The following PRDM11 variants were observed in gnomAD, a reference collection of about 807,000 sequenced individuals.
PRDM11 encodes the protein PR domain-containing protein 11.
A neutral mutation model predicts 97.8 loss-of-function variants in PRDM11; 20 were observed. The ratio of observed to expected loss-of-function variants is 0.20; its 90% CI spans 0.14 to 0.30. The LOEUF (loss-of-function observed/expected upper bound fraction) is 0.30. PRDM11 is among the 10% of genes least tolerant of loss of function. The probability of loss-of-function intolerance (pLI) is 1.00; values close to 1 mark genes in which losing one functional copy is unlikely to be tolerated. For synonymous variants in PRDM11, 599 were observed against 637.7 expected (o/e 0.94, Z 0.91); for missense variants, 1,139 against 1,555.2 (o/e 0.73, Z 4.50).
chr11:45,193,842 G>C (rs1381200481), intron 4 of PRDM11, among the ~76,000 whole-genome samples: 7 of 152,288 alleles, frequency 4.6e-5, no homozygotes, highest in African/African-American at 1.7e-4. Context: ...ACATAGCTGG[G>C]CTTGCTGGGC....
chr11:45,145,551 T>G (rs1851488019), upstream of PRDM11, among the ~76,000 whole-genome samples: 1 of 152,208 alleles, frequency 6.6e-6, no homozygotes, highest in African/African-American at 2.4e-5. Flanking sequence ...CAGGGCTTCG[T>G]GGATGTTTGG....
At chr11:45,122,212 C>G (rs544430399) in intron 1 of PRDM11, among the ~76,000 whole-genome samples, 3,628 of 126,528 alleles carry the variant, frequency 0.029, 153 homozygotes, top group African/African-American at 0.088. Context: ...GACACACACA[C>G]ACACACACAC....
chr11:45,150,901 T>C (rs561126338), intron 1 of PRDM11, among the ~76,000 whole-genome samples: 8 of 152,294 alleles, frequency 5.3e-5, no homozygotes, highest in South Asian at 4.1e-4. Context: ...AAGGTAGATA[T>C]TATTTCTGTT....
At chr11:45,112,376 A>G (rs922364318) in intron 1 of PRDM11, among the ~76,000 whole-genome samples, 1 of 152,198 alleles carries the variant, frequency 6.6e-6, no homozygotes, top group South Asian at 2.1e-4. Context: ...TAACTTTGCA[A>G]TTGCAAATTG....
At position 45,219,711 on chromosome 11, in the gene PRDM11, C is replaced by T. The variant is rs1590469381; in HGVS notation, c.696C>T (p.Arg232=). The stretch of plus-strand genomic sequence containing the variant: ...GGTACAGCGAGGACTACATGAAGCG[C>T]CTGCACAGCATGTCCCAGGAAACCA... ...RVWYSEDYMK[R]LHSMSQETIH... is the part of the protein sequence containing the mutation. Residue 232 remains arginine, a synonymous_variant, in exon 6 of 8, where the codon CGC becomes CGT. Transcript: ENST00000683152. This position sits in a 1 kb window ranked among gnomAD's most constrained non-coding sequence, Gnocchi z 4.2. 1 of 1,614,044 alleles carries T rather than the reference C, an allele frequency of 6.2e-7. No homozygotes were observed. The highest frequency in any genetic ancestry group is 1.3e-5 in the African/African-American group (1 of 75,038).
At chr11:45,129,324 A>G (rs940163620) in intron 1 of PRDM11, among the ~76,000 whole-genome samples, 1 of 152,204 alleles carries the variant, frequency 6.6e-6, no homozygotes, top group Non-Finnish European at 1.5e-5. Flanking sequence ...AAAAAATTGA[A>G]AAGTATGAGA....
chr11:45,226,632 G>A lies in PRDM11; in HGVS notation c.2007G>A (p.Leu669=). The part of the protein sequence containing the change: ...SVILDGQSDD[L]LADTVAVYVQ... ...TCCTGGATGGGCAGAGCGACGACCT[G>A]CTGGCCGACACGGTGGCTGTCTATG... Residue 669 remains leucine, a synonymous_variant, in exon 8 of 8, where the codon CTG becomes CTA. Coordinates refer to ENST00000683152, the MANE Select transcript of PRDM11 (RefSeq NM_001384648.1). The A allele has an allele frequency of 2.0e-6, 3 of 1,533,994 alleles. No homozygotes were observed. Among genetic ancestry groups the A allele is most frequent in the Non-Finnish European group, 1.7e-6 (2 of 1,146,742 alleles).
chr11:45,194,854 T>C (rs2135770803), intron 4 of PRDM11, among the ~76,000 whole-genome samples: 1 of 152,148 alleles, frequency 6.6e-6, no homozygotes, highest in African/African-American at 2.4e-5. Context: ...CGCCTCGGCC[T>C]CCCAAAGTGC....
intron 1 of PRDM11, among the ~76,000 whole-genome samples, chr11:45,153,446 G>A (rs994116453): frequency 2.0e-5 from 3 of 152,250 alleles, no homozygotes; most frequent in Non-Finnish European, 4.4e-5. Context: ...TCCAAGGGCT[G>A]CATGGACAGC....
intron 5 of PRDM11, among the ~76,000 whole-genome samples, chr11:45,206,612 G>T (rs115840889): frequency 0.014 from 2,092 of 152,304 alleles, 39 homozygotes; most frequent in African/African-American, 0.048. Context: ...TGGGGACAAG[G>T]CCTTCTCAAA....
rs530767373 is a variant in PRDM11, at chr11:45,226,766, C to T, written c.2141C>T (p.Ser714Leu). The T allele has an allele frequency of 4.2e-5, 64 of 1,533,970 alleles. No homozygotes were observed. The African/African-American group carries it at 6.4e-4, about 15-fold the overall frequency. Residue 714 changes from serine to leucine, a missense_variant, in exon 8 of 8, where the codon TCG becomes TTG. This residue lies in a region of PRDM11 where 710 missense variants were observed against 1,044.9 expected (regional missense o/e 0.68). Transcript: ENST00000683152. ...CTCCAGGCACTTGACCGGGCCTTCT[C>T]GGCCTTGGGCATCCGGTTGCAGGAT... Reference protein sequence around the residue: ...SYLQALDRAFSALGIRLQDEK... With the variant: ...SYLQALDRAFLALGIRLQDEK...
chr11:45,112,417 T>C (rs1960774), intron 1 of PRDM11, among the ~76,000 whole-genome samples: 66,095 of 152,176 alleles, frequency 0.43, 17,308 homozygotes, highest in Non-Finnish European at 0.58. Flanking sequence ...AGGTGTTTTT[T>C]TCATATAATG....
intron 5 of PRDM11, among the ~76,000 whole-genome samples, chr11:45,205,079 G>C (rs1309931573): frequency 6.6e-6 from 1 of 152,050 alleles, no homozygotes; most frequent in Admixed American, 6.6e-5. Context: ...GGAGGAGGAG[G>C]AGACTGTCCC....
intron 1 of PRDM11, among the ~76,000 whole-genome samples, chr11:45,168,357 C>A (rs1030363876): frequency 1.3e-5 from 2 of 152,162 alleles, no homozygotes; most frequent in African/African-American, 4.8e-5. Flanking sequence ...GAAAAAGAAC[C>A]TCATGGTGTT....
At chr11:45,203,437 AAAAC>A (rs1455643481) in intron 4 of PRDM11, among the ~76,000 whole-genome samples, 2 of 152,104 alleles carry the variant, frequency 1.3e-5, no homozygotes, top group East Asian at 1.9e-4. Flanking sequence ...ATTAAAAAAA[AAAAC>A]AAAGAAAGTT....
At chr11:45,126,960 A>G (rs545631232) in intron 1 of PRDM11, among the ~76,000 whole-genome samples, 1 of 152,228 alleles carries the variant, frequency 6.6e-6, no homozygotes, top group East Asian at 1.9e-4. Context: ...TCTCCCTGTC[A>G]CTTTCAGGTA....
chr11:45,094,415 C>G (rs1036884739), upstream of PRDM11, among the ~76,000 whole-genome samples: 1 of 151,532 alleles, frequency 6.6e-6, no homozygotes, highest in Non-Finnish European at 1.5e-5. Context: ...TGGAGGGACC[C>G]CAGAGTGGGG....
chr11:45,141,301 C>T (rs900238836), intron 1 of PRDM11, among the ~76,000 whole-genome samples: 4 of 152,176 alleles, frequency 2.6e-5, no homozygotes, highest in Non-Finnish European at 5.9e-5. Context: ...GTGGCTGCAC[C>T]CTCGTGTAGT....
intron 6 of PRDM11, among the ~76,000 whole-genome samples, chr11:45,221,532 A>G (rs1322070628): frequency 6.6e-6 from 1 of 152,166 alleles, no homozygotes; most frequent in African/African-American, 2.4e-5. Context: ...TGGATTTGTG[A>G]TGTCCTTTTC....
Sources: allele counts gnomAD v4.1 joint callset (sites outside exome capture counted in the v4.1 genomes callset), GRCh38; gene constraint gnomAD v4.1.1; regional missense constraint gnomAD v4.1.1; non-coding constraint Gnocchi (gnomAD v3.1); transcripts MANE v1.5; gene names NCBI Gene and HGNC (gene_info 2026-07-23, HGNC 2026-07-21).